Variants in SSH2 observed in about 807,000 individuals in gnomAD.
SSH2 encodes the protein protein phosphatase Slingshot homolog 2.
SSH2 carries 37 observed loss-of-function variants against 135.2 expected under a neutral mutation model. The observed-to-expected ratio is 0.27, with a 90% confidence interval of 0.21 to 0.36. The LOEUF is 0.36. Among genes scored for constraint, SSH2 ranks in the 10% least tolerant of loss-of-function variants. The probability of loss-of-function intolerance (pLI) is 1.00; values close to 1 mark genes in which losing one functional copy is unlikely to be tolerated. For synonymous variants in SSH2, 628 were observed against 646.2 expected (o/e 0.97, Z 0.43); for missense variants, 1,408 against 1,765.3 (o/e 0.80, Z 3.63).
At chr17:29,835,893 G>A (rs2042934582) in intron 2 of SSH2, among the ~76,000 whole-genome samples, 1 of 150,942 alleles carries the variant, frequency 6.6e-6, no homozygotes, top group African/African-American at 2.4e-5. Context: ...CAGGAGGCGG[G>A]GCTTGCAGTG....
At chr17:29,823,226 ATAG>A (rs1352413723) in intron 2 of SSH2, among the ~76,000 whole-genome samples, 2 of 152,220 alleles carry the variant, frequency 1.3e-5, no homozygotes, top group Non-Finnish European at 2.9e-5. Context: ...CAAATAAATA[ATAG>A]TTTCATATTT....
chr17:29,841,838 C>T (rs960119196), intron 2 of SSH2, among the ~76,000 whole-genome samples: 3 of 151,794 alleles, frequency 2.0e-5, no homozygotes, highest in Admixed American at 6.6e-5. Flanking sequence ...GTGATCGTCC[C>T]ATCTCTGCTT....
Position 29,769,256 on chromosome 17 carries a change from T to C in SSH2, c.188+24638A>G, listed in dbSNP as rs190377935. ...ACAGTATTCTATATTGTCTCCATGA[T>C]GATGGAGGTTCATTACAGGTTTAAA... On this transcript the variant is annotated intron_variant, in intron 3 of 15. Transcript: ENST00000540801. 2.4e-4 allele frequency among the ~76,000 whole-genome samples: 36 copies of C among 152,280 alleles called. No individual in the cohort carries two copies. In the Middle Eastern group the frequency reaches 0.01, roughly 43 times the overall value.
At chr17:29,894,185 A>G (rs1273900264) in intron 1 of SSH2, among the ~76,000 whole-genome samples, 1 of 152,132 alleles carries the variant, frequency 6.6e-6, no homozygotes, top group Non-Finnish European at 1.5e-5. Flanking sequence ...AATAATTCCT[A>G]AGTACTAAAT....
At chr17:29,850,538 G>A (rs1178428433) in intron 1 of SSH2, among the ~76,000 whole-genome samples, 1 of 152,128 alleles carries the variant, frequency 6.6e-6, no homozygotes, top group African/African-American at 2.4e-5. Flanking sequence ...TACTCTTTCT[G>A]ATAACAGCCT....
chr17:29,855,533 G>C (rs1321669812), intron 1 of SSH2, among the ~76,000 whole-genome samples: 1 of 151,582 alleles, frequency 6.6e-6, no homozygotes, highest in Non-Finnish European at 1.5e-5. Context: ...TATACTATCA[G>C]ACATCAAACA....
chr17:29,823,771 C>T (rs541864969), intron 2 of SSH2, among the ~76,000 whole-genome samples: 68 of 149,860 alleles, frequency 4.5e-4, no homozygotes, highest in Non-Finnish European at 8.3e-4. Context: ...CCCAGCTACT[C>T]GGGAGGCTGA....
intron 2 of SSH2, among the ~76,000 whole-genome samples, chr17:29,816,748 G>T (rs1274146321): frequency 1.3e-5 from 2 of 151,020 alleles, no homozygotes; most frequent in African/African-American, 2.4e-5. Context: ...GGAAATGAAG[G>T]AGAAAATTTG....
intron 11 of SSH2, among the ~76,000 whole-genome samples, chr17:29,661,818 T>C (rs1320851327): frequency 6.6e-6 from 1 of 152,132 alleles, no homozygotes; most frequent in African/African-American, 2.4e-5. Context: ...AACCTGACAA[T>C]GTGAAGTGAT....
chr17:29,682,731 C>A (rs891947526), intron 6 of SSH2, among the ~76,000 whole-genome samples: 67 of 152,272 alleles, frequency 4.4e-4, no homozygotes, highest in Non-Finnish European at 1.5e-4. Context: ...TACTGGACAA[C>A]ACAGATCTAG....
In SSH2 at chr17:29,915,819, T is replaced by A. The variant is rs538570167; in HGVS notation, c.63+14119A>T. 3.3e-3 allele frequency among the ~76,000 whole-genome samples: 501 copies of A among 151,856 alleles called. 3 individuals carry two copies. Among genetic ancestry groups the A allele is most frequent in the Non-Finnish European group, 5.6e-3 (380 of 67,902 alleles). ...ATGAAATAACAAAAATTTATTTTTTTAAATTTTTTATATATATATTTTTAT... is the reference window on the plus strand; with the variant it reads ...ATGAAATAACAAAAATTTATTTTTTAAAATTTTTTATATATATATTTTTAT... On this transcript the variant is annotated intron_variant, in intron 1 of 15. Coordinates refer to ENST00000540801, the MANE Select transcript of SSH2 (RefSeq NM_001282129.2).
At chr17:29,758,516 T>A (rs1358288746) in intron 3 of SSH2, among the ~76,000 whole-genome samples, 1 of 152,230 alleles carries the variant, frequency 6.6e-6, no homozygotes, top group African/African-American at 2.4e-5. Context: ...CAATTAACTT[T>A]TTGTGCAGAG....
At chr17:29,643,196 T>G (rs1246392319) in intron 14 of SSH2, 2 of 985,242 alleles carry the variant, frequency 2.0e-6, no homozygotes, top group African/African-American at 3.5e-5. Context: ...AGTGGTACTT[T>G]GGTGCTGGGC....
chr17:29,871,668 G>A (rs976841685), intron 1 of SSH2, among the ~76,000 whole-genome samples: 4 of 152,100 alleles, frequency 2.6e-5, no homozygotes, highest in South Asian at 2.1e-4. Context: ...AATAAAACAA[G>A]CTCCACTTTC....
rs576425713 is a variant in SSH2, at chr17:29,703,752, T to G, written c.189-690A>C. On this transcript the variant is annotated intron_variant, in intron 3 of 15. Transcript: ENST00000540801. ...AGCCACCACGACCAGCTAATTTTTG[T>G]ATTTTTAATAGAGATGGGGTTTTAC... Among the ~76,000 whole-genome samples the G allele has an allele frequency of 9.2e-5, 14 of 152,140 alleles. No individual in the cohort carries two copies. In the East Asian group the frequency reaches 2.7e-3, roughly 29 times the overall value.
chr17:29,903,444 G>A (rs2066598207), intron 1 of SSH2, among the ~76,000 whole-genome samples: 1 of 148,720 alleles, frequency 6.7e-6, no homozygotes, highest in East Asian at 1.9e-4. Flanking sequence ...CTGTGTTTAA[G>A]CCAGTTCAAG....
At chr17:29,770,289 G>C (rs1567963351) in intron 3 of SSH2, among the ~76,000 whole-genome samples, 1 of 150,864 alleles carries the variant, frequency 6.6e-6, no homozygotes, top group Admixed American at 6.6e-5. Context: ...TTGTATTTTT[G>C]GTAGAGACAA....
intron 1 of SSH2, among the ~76,000 whole-genome samples, chr17:29,877,927 A>G (rs2066065026): frequency 6.6e-6 from 1 of 152,052 alleles, no homozygotes; most frequent in Non-Finnish European, 1.5e-5. Flanking sequence ...TACAAAAAAA[A>G]TTAAAAAATT....
chr17:29,871,183 G>GT lies in SSH2; in HGVS notation c.64-22255dup, dbSNP rs796527895. Among the ~76,000 whole-genome samples the GT allele has an allele frequency of 6.5e-3, 960 of 146,742 alleles. 12 individuals are homozygous for GT. Among genetic ancestry groups the GT allele is most frequent in the Middle Eastern group, 0.011 (3 of 278 alleles). On this transcript the variant is annotated intron_variant, in intron 1 of 15. Transcript: ENST00000540801. ...CTTTCTCAGAGGGGAGGCTGCAATT[G>GT]TTTTTTTTTTTCTCTTTATTTCCAA...
Sources: allele counts gnomAD v4.1 joint callset (sites outside exome capture counted in the v4.1 genomes callset), GRCh38; gene constraint gnomAD v4.1.1; transcripts MANE v1.5; gene names NCBI Gene and HGNC (gene_info 2026-07-23, HGNC 2026-07-21).